PTPRD: variants seen among roughly 807,000 people sequenced by gnomAD.
PTPRD encodes receptor-type tyrosine-protein phosphatase delta.
In PTPRD, 34 loss-of-function variants were observed where a neutral mutation model predicts 214.5. The observed-to-expected ratio is 0.16, with a 90% CI of 0.12 to 0.21. The LOEUF (loss-of-function observed/expected upper bound fraction) is 0.21, where lower values mean the gene tolerates loss of function less well. Ranked by LOEUF, PTPRD falls within the 10% of genes least tolerant of loss-of-function variation. The pLI is 1.00. For synonymous variants in PTPRD, 1,128 were observed against 845.7 expected (o/e 1.33, Z -5.79); for missense variants, 2,545 against 2,398.7 (o/e 1.06, Z -1.27).
intron 2 of PTPRD, among the ~76,000 whole-genome samples, chr9:10,555,585 T>C (rs1348068383): frequency 1.3e-5 from 2 of 152,166 alleles, no homozygotes; most frequent in Non-Finnish European, 2.9e-5. Flanking sequence ...ACCAGTCTCC[T>C]ACAAAAGGCA....
chr9:10,025,461 A>G (rs916587928), intron 4 of PTPRD, among the ~76,000 whole-genome samples: 1 of 152,222 alleles, frequency 6.6e-6, no homozygotes, highest in African/African-American at 2.4e-5. Context: ...ATATGTGTAG[A>G]TGTACATAAC....
intron 2 of PTPRD, among the ~76,000 whole-genome samples, chr9:10,442,919 A>G (rs1186057855): frequency 2.0e-5 from 3 of 151,384 alleles, no homozygotes; most frequent in Non-Finnish European, 4.4e-5. Context: ...CTTGACATGT[A>G]TTAGTTGATT....
chr9:9,488,035 A>G (rs1373738092), intron 8 of PTPRD, among the ~76,000 whole-genome samples: 2 of 152,172 alleles, frequency 1.3e-5, no homozygotes, highest in Admixed American at 1.3e-4. Flanking sequence ...TATGAGGTAG[A>G]CTTTCCTGGA....
intron 5 of PTPRD, among the ~76,000 whole-genome samples, chr9:9,785,278 T>C (rs1328605398): frequency 1.3e-5 from 2 of 152,064 alleles, no homozygotes; most frequent in African/African-American, 4.8e-5. Flanking sequence ...CCAAAATTAC[T>C]GGGTGAAGCA....
intron 10 of PTPRD, among the ~76,000 whole-genome samples, chr9:9,180,017 G>A (rs960801129): frequency 2.0e-5 from 3 of 151,944 alleles, no homozygotes; most frequent in Admixed American, 6.6e-5. Flanking sequence ...CTTTTTTATT[G>A]GCAAGAGTGA....
intron 5 of PTPRD, among the ~76,000 whole-genome samples, chr9:9,827,004 G>A (rs573090709): frequency 1.3e-5 from 2 of 152,052 alleles, no homozygotes; most frequent in Admixed American, 6.6e-5. Flanking sequence ...AAATAAATGA[G>A]GATACAAACA....
chr9:8,356,083 G>A (rs901762333), intron 39 of PTPRD, among the ~76,000 whole-genome samples: 13 of 152,132 alleles, frequency 8.5e-5, no homozygotes, highest in Admixed American at 5.9e-4. Context: ...GCAAAGGGCT[G>A]CTTTCAAAAA....
At chr9:8,921,015 T>C (rs1461990411) in intron 11 of PTPRD, among the ~76,000 whole-genome samples, 1 of 152,138 alleles carries the variant, frequency 6.6e-6, no homozygotes, top group Non-Finnish European at 1.5e-5. Flanking sequence ...GGTATCACCA[T>C]GTTGGCCAGG....
intron 12 of PTPRD, among the ~76,000 whole-genome samples, chr9:8,644,733 G>C (rs559394799): frequency 1.3e-5 from 2 of 152,194 alleles, no homozygotes; most frequent in Non-Finnish European, 2.9e-5. Flanking sequence ...ACTAGCACCC[G>C]GAACCGCCCA....
intron 6 of PTPRD, among the ~76,000 whole-genome samples, chr9:9,754,882 T>G (rs976751000): frequency 6.6e-6 from 1 of 152,064 alleles, no homozygotes; most frequent in Non-Finnish European, 1.5e-5. Flanking sequence ...GAATTACCAA[T>G]GCTTTTAGAA....
At chr9:10,580,659 A>T (rs911422792) in intron 2 of PTPRD, among the ~76,000 whole-genome samples, 1 of 152,140 alleles carries the variant, frequency 6.6e-6, no homozygotes, top group South Asian at 2.1e-4. Context: ...TCATATTCTG[A>T]AATGTTATGA....
intron 8 of PTPRD, among the ~76,000 whole-genome samples, chr9:9,432,907 C>CTA (rs2083769420): frequency 6.6e-6 from 1 of 152,110 alleles, no homozygotes; most frequent in African/African-American, 2.4e-5. Flanking sequence ...TTATAATTCC[C>CTA]AGAGTTGCAG....
chr9:8,675,432 A>C (rs2097382797), intron 12 of PTPRD, among the ~76,000 whole-genome samples: 2 of 136,434 alleles, frequency 1.5e-5, no homozygotes, highest in Non-Finnish European at 1.5e-5. Flanking sequence ...CAAAAACCCC[A>C]CTCCTCCCCC....
chr9:10,530,198 A>T (rs1207838307), intron 2 of PTPRD, among the ~76,000 whole-genome samples: 1 of 152,168 alleles, frequency 6.6e-6, no homozygotes, highest in Non-Finnish European at 1.5e-5. Context: ...TCAGCCTGAA[A>T]TTCCTGTGGC....
chr9:9,615,508 G>T (rs139093072), intron 7 of PTPRD, among the ~76,000 whole-genome samples: 2 of 152,136 alleles, frequency 1.3e-5, no homozygotes, highest in Non-Finnish European at 2.9e-5. Context: ...TGTCTGCTTA[G>T]GTTGCCATAT....
chr9:8,561,033 T>C (rs189518087), intron 14 of PTPRD, among the ~76,000 whole-genome samples: 1 of 152,030 alleles, frequency 6.6e-6, no homozygotes, highest in Non-Finnish European at 1.5e-5. Flanking sequence ...ACCTCCAAAC[T>C]GAAGACAGTT....
At chr9:8,410,181 T>G (rs1235559924) in intron 35 of PTPRD, among the ~76,000 whole-genome samples, 6 of 152,222 alleles carry the variant, frequency 3.9e-5, no homozygotes, top group Non-Finnish European at 8.8e-5. Flanking sequence ...GGGCTATATT[T>G]TGCACAATTA....
chr9:9,527,574 A>T (rs73641311), intron 8 of PTPRD, among the ~76,000 whole-genome samples: 1 of 152,164 alleles, frequency 6.6e-6, no homozygotes, highest in African/African-American at 2.4e-5. Flanking sequence ...GATGACTCCA[A>T]ATTTCTTAGA....
intron 12 of PTPRD, among the ~76,000 whole-genome samples, chr9:8,642,451 G>A (rs531139116): frequency 6.6e-6 from 1 of 152,302 alleles, no homozygotes; most frequent in East Asian, 1.9e-4. Flanking sequence ...GAGACAGGGA[G>A]AGAATGTTCA....
Sources: allele counts gnomAD v4.1 joint callset (sites outside exome capture counted in the v4.1 genomes callset), GRCh38; gene constraint gnomAD v4.1.1; transcripts MANE v1.5; gene names NCBI Gene and HGNC (gene_info 2026-07-23, HGNC 2026-07-21).